The following MAGI2 variants were observed in gnomAD, a reference collection of about 807,000 sequenced individuals.
The protein encoded by MAGI2 is membrane-associated guanylate kinase, WW and PDZ domain-containing protein 2.
A neutral mutation model predicts 133.3 loss-of-function variants in MAGI2; 35 were observed. The observed-to-expected ratio is 0.26, with a 90% CI of 0.20 to 0.35. The LOEUF (loss-of-function observed/expected upper bound fraction) is 0.35, where lower values mean the gene tolerates loss of function less well. MAGI2 is among the 10% of genes least tolerant of loss of function. The pLI is 1.00. For missense variants in MAGI2, 1,636 were observed against 1,863.4 expected, an observed-to-expected ratio of 0.88 and a Z score of 2.25; for synonymous variants, 729 against 710.6, an observed-to-expected ratio of 1.03 and a Z score of -0.41.
chr7:78,639,180 C>T (rs1011691905), intron 2 of MAGI2, among the ~76,000 whole-genome samples: 35 of 152,152 alleles, frequency 2.3e-4, no homozygotes, highest in African/African-American at 8.4e-4. Context: ...GTCCCTATGG[C>T]ATCTATATTC....
At chr7:78,737,955 C>T (rs1822030233) in intron 2 of MAGI2, among the ~76,000 whole-genome samples, 1 of 152,050 alleles carries the variant, frequency 6.6e-6, no homozygotes, top group Non-Finnish European at 1.5e-5. Context: ...CTTACTCTGA[C>T]CCAAAGGCCA....
intron 2 of MAGI2, among the ~76,000 whole-genome samples, chr7:78,639,202 A>C (rs1810006039): frequency 6.6e-6 from 1 of 152,238 alleles, no homozygotes; most frequent in Non-Finnish European, 1.5e-5. Flanking sequence ...GAAATGCCCA[A>C]GGTAGATAGT....
chr7:78,615,613 G>T (rs1195484508), intron 3 of MAGI2: 2 of 152,246 alleles, frequency 1.3e-5, no homozygotes, highest in Non-Finnish European at 2.9e-5. Flanking sequence ...GTGCCAAAGG[G>T]CAGGTTTCTC....
Position 78,256,594 on chromosome 7 carries a change from A to G in MAGI2, c.1409-13T>C. On this transcript the variant is annotated splice_polypyrimidine_tract_variant and intron_variant, in intron 9 of 21. Transcript: ENST00000354212. ...ACAATGACATCACCTGTAAGAAAAA[A>G]AGAGATTGACAACATGAGGTAAGTT... 6.2e-7 allele frequency: 1 copy of G among 1,602,882 alleles called. No individual in the cohort carries two copies.
intron 1 of MAGI2, among the ~76,000 whole-genome samples, chr7:79,290,395 T>A (rs922128896): frequency 1.1e-5 from 1 of 90,984 alleles, no homozygotes; most frequent in South Asian, 3.2e-4. Context: ...TTTTTAATTT[T>A]AAATTTTTTT....
intron 2 of MAGI2, among the ~76,000 whole-genome samples, chr7:78,779,472 A>G (rs1285641052): frequency 1.3e-5 from 2 of 152,260 alleles, no homozygotes; most frequent in African/African-American, 4.8e-5. Context: ...AAAGATGAAG[A>G]GAGAATAGAA....
intron 2 of MAGI2, among the ~76,000 whole-genome samples, chr7:78,685,534 C>A (rs1326304789): frequency 6.8e-6 from 1 of 147,074 alleles, no homozygotes; most frequent in Non-Finnish European, 1.5e-5. Flanking sequence ...AGCTAGAGAA[C>A]TACAAGAACA....
chr7:78,304,416 T>C (rs960760726), intron 9 of MAGI2, among the ~76,000 whole-genome samples: 1 of 152,222 alleles, frequency 6.6e-6, no homozygotes, highest in Admixed American at 6.5e-5. Context: ...TCTTTCCTTT[T>C]ACTTAGGTTT....
intron 2 of MAGI2, among the ~76,000 whole-genome samples, chr7:78,640,834 A>G (rs1422730224): frequency 6.6e-6 from 1 of 152,252 alleles, no homozygotes; most frequent in Non-Finnish European, 1.5e-5. Context: ...GCTATGGGGC[A>G]TTAGTGAATC....
intron 2 of MAGI2, among the ~76,000 whole-genome samples, chr7:78,918,857 A>T (rs1213373568): frequency 6.6e-6 from 1 of 152,138 alleles, no homozygotes; most frequent in Non-Finnish European, 1.5e-5. Context: ...ATTTTACAAC[A>T]AATACTGAAA....
intron 1 of MAGI2, among the ~76,000 whole-genome samples, chr7:79,323,177 C>T (rs1300521601): frequency 6.6e-6 from 1 of 152,078 alleles, no homozygotes; most frequent in Admixed American, 6.6e-5. Context: ...TACACAACAA[C>T]AATTTTGAGC....
intron 3 of MAGI2, among the ~76,000 whole-genome samples, chr7:78,529,666 T>C (rs140416413): frequency 8.1e-6 from 1 of 123,386 alleles, no homozygotes; most frequent in African/African-American, 3.2e-5. Context: ...CTAAAGGAGA[T>C]GGTTTTTTTT....
chr7:78,992,930 T>G (rs1303412186), intron 2 of MAGI2, among the ~76,000 whole-genome samples: 1 of 152,124 alleles, frequency 6.6e-6, no homozygotes, highest in African/African-American at 2.4e-5. Flanking sequence ...TAATTAAGAT[T>G]CTTTTTCTTG....
At chr7:79,158,338 AT>A (rs959689292) in intron 1 of MAGI2, among the ~76,000 whole-genome samples, 1 of 152,150 alleles carries the variant, frequency 6.6e-6, no homozygotes, top group Non-Finnish European at 1.5e-5. Flanking sequence ...GGCTTAAAAA[AT>A]AAAAGTGCTT....
At chr7:78,201,026 A>G (rs1829204338) in intron 11 of MAGI2, 136 bp downstream of exon 11, 1 of 599,726 alleles carries the variant, frequency 1.7e-6, no homozygotes, top group Non-Finnish European at 2.9e-6. Context: ...ACAAAAGGAC[A>G]CAGAGGATTT....
intron 1 of MAGI2, among the ~76,000 whole-genome samples, chr7:79,227,542 C>A (rs1237516773): frequency 6.6e-6 from 1 of 152,140 alleles, no homozygotes; most frequent in Non-Finnish European, 1.5e-5. Flanking sequence ...TTATCCTTAT[C>A]CTTATCTTCA....
chr7:79,096,345 C>T (rs192973813), intron 1 of MAGI2, among the ~76,000 whole-genome samples: 15 of 152,282 alleles, frequency 9.9e-5, no homozygotes, highest in Admixed American at 3.9e-4. Flanking sequence ...AGCCACACTA[C>T]GATGACCATT....
intron 2 of MAGI2, among the ~76,000 whole-genome samples, chr7:78,955,756 T>TCTTA (rs1802298693): frequency 1.3e-5 from 1 of 77,854 alleles, no homozygotes; most frequent in Non-Finnish European, 3.0e-5. Flanking sequence ...TTTCTTTCTT[T>TCTTA]CTTTCTTTCT....
intron 6 of MAGI2, among the ~76,000 whole-genome samples, chr7:78,421,941 T>G (rs1798838975): frequency 6.6e-6 from 1 of 152,202 alleles, no homozygotes; most frequent in African/African-American, 2.4e-5. Flanking sequence ...TATATCCTCC[T>G]AATTTCTAGC....
Sources: allele counts gnomAD v4.1 joint callset (sites outside exome capture counted in the v4.1 genomes callset), GRCh38; gene constraint gnomAD v4.1.1; transcripts MANE v1.5; gene names NCBI Gene and HGNC (gene_info 2026-07-23, HGNC 2026-07-21).